JMJD1C: variants seen among roughly 807,000 people sequenced by gnomAD.
JMJD1C encodes jumonji domain containing 1C.
In JMJD1C, 31 loss-of-function variants were observed where a neutral mutation model predicts 245.3. The observed-to-expected ratio is 0.13, with a 90% CI of 0.09 to 0.17. The LOEUF is 0.17. Among genes scored for constraint, JMJD1C ranks in the 10% least tolerant of loss-of-function variants. JMJD1C has a pLI of 1.00. For missense variants in JMJD1C, 2,691 were observed against 3,000.2 expected (o/e 0.90, Z 2.41); for synonymous variants, 1,057 against 1,017.4 (o/e 1.04, Z -0.74).
Position 63,183,696 on chromosome 10 carries a change from C to T in JMJD1C, c.6962-127G>A, listed in dbSNP as rs529847979. 8 of 515,142 alleles carry T rather than the reference C, an allele frequency of 1.6e-5. No individual in the cohort carries two copies. The South Asian group carries it at 3.4e-4, about 22-fold the overall frequency. The allele number at this position is 515,142 out of a possible 1,614,324, so 31.9% of individuals were successfully genotyped here. A position where few individuals can be genotyped will look rare whatever the true frequency, so the allele number is the denominator to read the frequency against. On this transcript the variant is annotated intron_variant, in intron 21 of 25. Transcript: ENST00000399262. The stretch of plus-strand genomic sequence containing the variant: ...AATTTGAGTTTTAGTTTCCTTATTA[C>T]AAAAACCTGTTCCAAAAGCCACAAT...
intron 3 of JMJD1C, among the ~76,000 whole-genome samples, chr10:63,255,753 A>G (rs181517386): frequency 1.3e-5 from 2 of 152,164 alleles, no homozygotes; most frequent in Admixed American, 1.3e-4. Flanking sequence ...AATACAATCT[A>G]TTTTCCTCAT....
intron 2 of JMJD1C, among the ~76,000 whole-genome samples, chr10:63,311,384 A>G (rs1051657625): frequency 6.6e-6 from 1 of 152,110 alleles, no homozygotes; most frequent in African/African-American, 2.4e-5. Context: ...GTCTCAAAAA[A>G]TAAACAAACA....
chr10:63,505,615 A>G (rs1353734271), intron 1 of JMJD1C, among the ~76,000 whole-genome samples: 1 of 152,036 alleles, frequency 6.6e-6, no homozygotes, highest in Admixed American at 6.6e-5. Flanking sequence ...TAAAAAAATT[A>G]CTGGGTCCTA....
intron 2 of JMJD1C, among the ~76,000 whole-genome samples, chr10:63,281,506 T>C (rs1857396737): frequency 7.5e-6 from 1 of 133,984 alleles, no homozygotes; most frequent in Non-Finnish European, 1.5e-5. Context: ...AGTCTCACTC[T>C]GTGGCCCAGG....
At chr10:63,427,458 A>G (rs957304536) in intron 1 of JMJD1C, 50 of 1,166,160 alleles carry the variant, frequency 4.3e-5, no homozygotes, top group African/African-American at 1.2e-4. Flanking sequence ...TGTCCCAGCA[A>G]CTCCTGACCA....
chr10:63,433,112 A>G (rs1016678027), intron 1 of JMJD1C, among the ~76,000 whole-genome samples: 1 of 150,586 alleles, frequency 6.6e-6, no homozygotes, highest in Non-Finnish European at 1.5e-5. Context: ...TTTTTTTGAG[A>G]CAGAGTTTTG....
chr10:63,258,610 C>A (rs1854288553), intron 3 of JMJD1C, among the ~76,000 whole-genome samples: 1 of 152,164 alleles, frequency 6.6e-6, no homozygotes, highest in East Asian at 1.9e-4. Flanking sequence ...ACCATTACCA[C>A]CGCCACCACC....
At chr10:63,423,925 G>A (rs926684090) in intron 1 of JMJD1C, among the ~76,000 whole-genome samples, 5 of 152,072 alleles carry the variant, frequency 3.3e-5, no homozygotes, top group Admixed American at 3.3e-4. Flanking sequence ...ATGTTTAATG[G>A]CCATTTTCAT....
At chr10:63,303,650 G>A (rs556266121) in intron 2 of JMJD1C, among the ~76,000 whole-genome samples, 4 of 152,124 alleles carry the variant, frequency 2.6e-5, no homozygotes, top group Non-Finnish European at 4.4e-5. Flanking sequence ...ACAACCTCAC[G>A]TATAACGTAC....
chr10:63,337,593 G>GA (rs1205613817), intron 2 of JMJD1C, among the ~76,000 whole-genome samples: 10 of 106,438 alleles, frequency 9.4e-5, no homozygotes, highest in African/African-American at 5.4e-4. Context: ...GAAAAGAAAA[G>GA]AAAAGAAAAG....
chr10:63,249,729 G>A (rs890845534), intron 3 of JMJD1C, among the ~76,000 whole-genome samples: 8 of 151,508 alleles, frequency 5.3e-5, no homozygotes, highest in Admixed American at 2.0e-4. Context: ...GCGTGGTGGC[G>A]TGCGCCTGTA....
At chr10:63,382,794 C>T (rs776450785) in intron 1 of JMJD1C, 7 of 455,870 alleles carry the variant, frequency 1.5e-5, no homozygotes, top group South Asian at 1.1e-4. Context: ...TCTTCTGCTC[C>T]CTTACACCTG....
At chr10:63,337,672 A>G (rs1282507062) in intron 2 of JMJD1C, among the ~76,000 whole-genome samples, 2 of 151,938 alleles carry the variant, frequency 1.3e-5, no homozygotes, top group Non-Finnish European at 2.9e-5. Flanking sequence ...GTAATCCACT[A>G]ACAGTGGCAG....
At chr10:63,282,568 T>G (rs547658367) in intron 2 of JMJD1C, among the ~76,000 whole-genome samples, 2 of 152,330 alleles carry the variant, frequency 1.3e-5, no homozygotes, top group East Asian at 3.9e-4. Flanking sequence ...AAATTACGAT[T>G]CATTTAAAAG....
intron 1 of JMJD1C, among the ~76,000 whole-genome samples, chr10:63,421,456 C>T (rs976541767): frequency 1.3e-5 from 2 of 152,154 alleles, no homozygotes; most frequent in Non-Finnish European, 2.9e-5. Flanking sequence ...GGAAGTTGAA[C>T]TGGTGGAGGT....
intron 2 of JMJD1C, among the ~76,000 whole-genome samples, chr10:63,342,802 G>A (rs1169696307): frequency 6.6e-6 from 1 of 152,082 alleles, no homozygotes; most frequent in African/African-American, 2.4e-5. Flanking sequence ...GTCCACATGG[G>A]TGGCTGCAAT....
chr10:63,484,248 A>G (rs61853614), intron 1 of JMJD1C, among the ~76,000 whole-genome samples: 252 of 12,948 alleles, frequency 0.019, 2 homozygotes, highest in Middle Eastern at 0.059. Context: ...ATAGATAGAT[A>G]GATAGATAGA....
At chr10:63,274,101 T>C (rs1161708448) in intron 2 of JMJD1C, among the ~76,000 whole-genome samples, 1 of 152,040 alleles carries the variant, frequency 6.6e-6, no homozygotes, top group Non-Finnish European at 1.5e-5. Context: ...TAAAGACATA[T>C]GGGTGGAAAA....
chr10:63,471,063 T>C (rs1953478275), intron 1 of JMJD1C, among the ~76,000 whole-genome samples: 1 of 152,194 alleles, frequency 6.6e-6, no homozygotes, highest in South Asian at 2.1e-4. Context: ...GCACTTTTTC[T>C]CTGTTCATCA....
Sources: gnomAD v4.1 joint callset for allele counts (sites outside exome capture counted in the v4.1 genomes callset) on GRCh38, gnomAD v4.1.1 for gene constraint, MANE v1.5 for transcripts, NCBI Gene and HGNC (gene_info 2026-07-23, HGNC 2026-07-21) for gene names.